KCNT2: variants seen among roughly 807,000 people sequenced by gnomAD.
KCNT2 encodes the protein potassium channel subfamily T member 2.
Under a neutral mutation model 153.8 loss-of-function variants are expected in KCNT2, and 67 were observed. That is an observed-to-expected ratio of 0.44 (90% CI 0.36 to 0.53). KCNT2 has a LOEUF of 0.53. KCNT2 is among the 20% of genes least tolerant of loss of function. The pLI, the probability that KCNT2 is intolerant of heterozygous loss-of-function variation, is 0.00. For synonymous variants in KCNT2, 500 were observed against 458.8 expected (o/e 1.09, Z -1.15); for missense variants, 975 against 1,354.8 (o/e 0.72, Z 4.40).
At chr1:196,254,605 G>A (rs12727325) in intron 26 of KCNT2, among the ~76,000 whole-genome samples, 28,441 of 151,304 alleles carry the variant, frequency 0.19, 3,342 homozygotes, top group South Asian at 0.33. Context: ...TAAAAAATAC[G>A]AAAACTTATG....
At chr1:196,403,451 A>G (rs1406946653) in intron 12 of KCNT2, among the ~76,000 whole-genome samples, 1 of 151,660 alleles carries the variant, frequency 6.6e-6, no homozygotes, top group Admixed American at 6.6e-5. Context: ...AGACCCTAAA[A>G]CTATTCCTTA....
chr1:196,460,064 A>G (rs1677014920), intron 8 of KCNT2, among the ~76,000 whole-genome samples: 2 of 151,756 alleles, frequency 1.3e-5, no homozygotes, highest in Non-Finnish European at 2.9e-5. Flanking sequence ...TTCTGCTCTC[A>G]CAAATTCTAA....
At chr1:196,330,752 G>T (rs1298131153) in intron 18 of KCNT2, among the ~76,000 whole-genome samples, 3 of 151,924 alleles carry the variant, frequency 2.0e-5, no homozygotes, top group Non-Finnish European at 4.4e-5. Flanking sequence ...GAATCTTTGT[G>T]TCTAACACAT....
intron 11 of KCNT2, 89 bp from the exon 12 acceptor site, chr1:196,423,202 T>C (rs1572397638): frequency 1.3e-6 from 1 of 780,036 alleles, no homozygotes; most frequent in African/African-American, 1.8e-5. Context: ...AGTCCATATA[T>C]TGCACAAAAT....
intron 22 of KCNT2, among the ~76,000 whole-genome samples, chr1:196,304,678 A>G (rs1661468629): frequency 6.6e-6 from 1 of 152,194 alleles, no homozygotes; most frequent in Admixed American, 6.5e-5. Context: ...CTTTCTGACC[A>G]TATAACATTA....
At chr1:196,445,136 A>G (rs1332861472) in intron 8 of KCNT2, among the ~76,000 whole-genome samples, 1 of 151,404 alleles carries the variant, frequency 6.6e-6, no homozygotes, top group Non-Finnish European at 1.5e-5. Context: ...TATTTCCATT[A>G]TATGTTTAAA....
chr1:196,511,811 A>G (rs1305631586), intron 1 of KCNT2, among the ~76,000 whole-genome samples: 1 of 152,174 alleles, frequency 6.6e-6, no homozygotes, highest in African/African-American at 2.4e-5. Context: ...GTCCACCCTA[A>G]CAACCTCATA....
In KCNT2 at chr1:196,349,478, T is replaced by C. The variant is rs893698550; in HGVS notation, c.1404-7250A>G. On this transcript the variant is annotated intron_variant, in intron 14 of 27. Coordinates refer to ENST00000294725, the MANE Select transcript of KCNT2 (RefSeq NM_198503.5). ...GTTTTCTATGAAGATGGTAACCACA[T>C]GATGCCTATCTTATAGAGACATGAA... Among the ~76,000 whole-genome samples, 5 of 152,186 alleles carry C rather than the reference T, an allele frequency of 3.3e-5. No individual in the cohort carries two copies. The South Asian group carries it at 1.0e-3, about 32-fold the overall frequency.
intron 1 of KCNT2, among the ~76,000 whole-genome samples, chr1:196,552,382 T>A (rs1658032761): frequency 6.6e-6 from 1 of 151,270 alleles, no homozygotes; most frequent in African/African-American, 2.4e-5. Flanking sequence ...AACTAAAACA[T>A]CCCTGTTTTA....
At chr1:196,574,102 CT>C (rs781065875) in intron 1 of KCNT2, among the ~76,000 whole-genome samples, 51 of 152,034 alleles carry the variant, frequency 3.4e-4, no homozygotes, top group Non-Finnish European at 7.1e-4. Flanking sequence ...AAATCATTTA[CT>C]TTTTCTGAGA....
chr1:196,302,393 C>G (rs572893712), intron 22 of KCNT2, among the ~76,000 whole-genome samples: 29 of 152,072 alleles, frequency 1.9e-4, no homozygotes, highest in African/African-American at 6.7e-4. Flanking sequence ...GCTGCCATAA[C>G]AAAGTAATAT....
chr1:196,235,568 T>C (rs1386022663), intron 27 of KCNT2, among the ~76,000 whole-genome samples: 2 of 151,416 alleles, frequency 1.3e-5, no homozygotes, highest in Non-Finnish European at 3.0e-5. Context: ...TCAATAATTA[T>C]TTTTCAAGAA....
At chr1:196,286,209 A>G (rs548897892) in intron 22 of KCNT2, among the ~76,000 whole-genome samples, 6 of 152,284 alleles carry the variant, frequency 3.9e-5, no homozygotes, top group South Asian at 2.1e-4. Flanking sequence ...CTCAAAATTC[A>G]TACATTGAAA....
chr1:196,264,776 C>A (rs1297809787), intron 25 of KCNT2, among the ~76,000 whole-genome samples: 1 of 152,112 alleles, frequency 6.6e-6, no homozygotes, highest in Non-Finnish European at 1.5e-5. Flanking sequence ...AGACCACAGG[C>A]ATGGAGCATC....
At chr1:196,509,046 A>T (rs1031487034) in intron 1 of KCNT2, among the ~76,000 whole-genome samples, 3 of 152,184 alleles carry the variant, frequency 2.0e-5, no homozygotes, top group Non-Finnish European at 4.4e-5. Flanking sequence ...AGGCGGGCAG[A>T]TCACCTGAGG....
intron 1 of KCNT2, among the ~76,000 whole-genome samples, chr1:196,501,474 A>G (rs2148765461): frequency 6.6e-6 from 1 of 152,358 alleles, no homozygotes; most frequent in East Asian, 1.9e-4. Flanking sequence ...CATTATTCTA[A>G]GCAAAATAAC....
At chr1:196,417,732 G>A (rs138581643) in intron 12 of KCNT2, among the ~76,000 whole-genome samples, 22 of 152,118 alleles carry the variant, frequency 1.4e-4, no homozygotes, top group African/African-American at 4.3e-4. Flanking sequence ...ATCATTAGAC[G>A]ATTTTGTCAT....
intron 13 of KCNT2, among the ~76,000 whole-genome samples, chr1:196,385,798 A>C (rs1258300054): frequency 6.7e-6 from 1 of 149,358 alleles, no homozygotes; most frequent in African/African-American, 2.5e-5. Context: ...TATATTTTGG[A>C]TCTGTTTCCT....
intron 13 of KCNT2, among the ~76,000 whole-genome samples, chr1:196,397,507 T>A (rs1255519110): frequency 6.6e-6 from 1 of 151,482 alleles, no homozygotes; most frequent in African/African-American, 2.4e-5. Flanking sequence ...TCATACTGTA[T>A]AAATCAGAAT....
Sources: allele counts gnomAD v4.1 joint callset (sites outside exome capture counted in the v4.1 genomes callset), GRCh38; gene constraint gnomAD v4.1.1; transcripts MANE v1.5; gene names NCBI Gene and HGNC (gene_info 2026-07-23, HGNC 2026-07-21).